TGS1: variants seen among roughly 807,000 people sequenced by gnomAD.
TGS1 encodes trimethylguanosine synthase 1.
Under a neutral mutation model 92.2 loss-of-function variants are expected in TGS1, and 69 were observed. The observed-to-expected ratio is 0.75, with a 90% CI of 0.62 to 0.91. The LOEUF is 0.91. Among genes scored for constraint, TGS1 ranks in the 40% least tolerant of loss-of-function variants. The pLI is 0.00. For synonymous variants in TGS1, 345 were observed against 338.1 expected, an observed-to-expected ratio of 1.02 and a Z score of -0.22; for missense variants, 1,062 against 1,001.2, an observed-to-expected ratio of 1.06 and a Z score of -0.82.
In TGS1 at chr8:55,789,993, A is replaced by G. The variant is rs191764443; in HGVS notation, c.1163-189A>G. On this transcript the variant is annotated intron_variant, in intron 4 of 12. Coordinates refer to ENST00000260129, the MANE Select transcript of TGS1 (RefSeq NM_024831.8). ...GGCTAAATTTAATTTAACAAACCTT[A>G]TAGTTAAGATTTTTAAAATGCTCAG... The G allele has an allele frequency of 1.3e-3, 661 of 523,022 alleles. 6 individuals carry two copies. Among genetic ancestry groups the G allele is most frequent in the African/African-American group, 9.6e-3 (497 of 51,936 alleles). The allele number at this position is 523,022 out of a possible 1,614,324, so 32.4% of individuals were successfully genotyped here. A position where few individuals can be genotyped will look rare whatever the true frequency, so the allele number is the denominator to read the frequency against.
chr8:55,776,337 G>A (rs1408683848), intron 1 of TGS1, among the ~76,000 whole-genome samples: 1 of 147,244 alleles, frequency 6.8e-6, no homozygotes, highest in Non-Finnish European at 1.5e-5. Context: ...CCAGAGTGCA[G>A]TGGCGAGATC....
intron 1 of TGS1, among the ~76,000 whole-genome samples, chr8:55,777,515 A>T (rs1487550188): frequency 6.6e-6 from 1 of 151,912 alleles, no homozygotes; most frequent in Non-Finnish European, 1.5e-5. Flanking sequence ...GAAGTTGAGC[A>T]AAATTTCTCT....
At position 55,798,980 on chromosome 8, in the gene TGS1, C is replaced by T. The variant is rs867132317; in HGVS notation, c.1609C>T (p.His537Tyr). 1.2e-6 allele frequency: 2 copies of T among 1,614,028 alleles called. No homozygotes were observed. The highest frequency in any genetic ancestry group is 1.3e-5 in the African/African-American group (1 of 75,032). Residue 537 changes from histidine (H) to tyrosine (Y), a missense_variant, in exon 8 of 13, where the codon CAT becomes TAT. His to Tyr is a moderately conservative substitution (Grantham distance 83). Transcript: ENST00000260129. The stretch of plus-strand genomic sequence containing the variant: ...AGAAGCATCACAGGAATCATCTTCT[C>T]ATGACAATGTGCACGACGCTTCCAC... ...DEEASQESSS[H>Y]DNVHDASTSS...
intron 1 of TGS1, among the ~76,000 whole-genome samples, chr8:55,776,071 A>T (rs538116726): frequency 2.6e-5 from 4 of 152,258 alleles, no homozygotes; most frequent in African/African-American, 9.6e-5. Flanking sequence ...GAAGGGGTTT[A>T]TTCGGCCAGG....
intron 12 of TGS1, among the ~76,000 whole-genome samples, chr8:55,813,334 C>T (rs1023669992): frequency 1.4e-4 from 22 of 152,316 alleles, no homozygotes; most frequent in African/African-American, 5.1e-4. Flanking sequence ...ACAAATAGAG[C>T]ACTCTAGGCT....
chr8:55,794,279 C>G (rs1811976817), intron 6 of TGS1, among the ~76,000 whole-genome samples: 2 of 151,964 alleles, frequency 1.3e-5, no homozygotes. Flanking sequence ...TGGTCTTAAA[C>G]TCTTGGCCTC....
chr8:55,803,467 CT>C (rs1812277980), intron 9 of TGS1, among the ~76,000 whole-genome samples: 1 of 152,118 alleles, frequency 6.6e-6, no homozygotes, highest in Middle Eastern at 3.4e-3. Context: ...TTCTCTGACC[CT>C]TTTAAAACAA....
At chr8:55,815,700 G>A (rs886263251) in intron 12 of TGS1, among the ~76,000 whole-genome samples, 3 of 152,102 alleles carry the variant, frequency 2.0e-5, no homozygotes, top group Non-Finnish European at 2.9e-5. Context: ...TTCCATGTAA[G>A]AGGTGATGCT....
At chr8:55,810,726 C>T (rs927354405) in intron 10 of TGS1, among the ~76,000 whole-genome samples, 155 bp from the exon 11 acceptor site, 1 of 152,222 alleles carries the variant, frequency 6.6e-6, no homozygotes, top group African/African-American at 2.4e-5. Flanking sequence ...AAAATTTAAA[C>T]TGAAGTCTGT....
chr8:55,796,776 A>G (rs1812066425), intron 7 of TGS1, among the ~76,000 whole-genome samples: 2 of 152,094 alleles, frequency 1.3e-5, no homozygotes, highest in Admixed American at 6.6e-5. Context: ...GGATCACCTG[A>G]GGTCAGGAGT....
intron 10 of TGS1, among the ~76,000 whole-genome samples, chr8:55,810,473 C>T (rs1803309495): frequency 1.3e-5 from 2 of 152,174 alleles, no homozygotes; most frequent in Non-Finnish European, 2.9e-5. Context: ...TTGGGCATTG[C>T]TACATTTTGA....
chr8:55,778,843 T>C (rs536747099), intron 1 of TGS1, among the ~76,000 whole-genome samples: 241 of 152,378 alleles, frequency 1.6e-3, no homozygotes, highest in South Asian at 7.0e-3. Context: ...AAGAATCTTA[T>C]ATTCAGCATT....
intron 12 of TGS1, among the ~76,000 whole-genome samples, chr8:55,818,295 C>T (rs1169179956): frequency 6.6e-6 from 1 of 152,112 alleles, no homozygotes; most frequent in East Asian, 1.9e-4. Context: ...CCTCGGTCTC[C>T]CGAGTACCTG....
Position 55,805,021 on chromosome 8 carries a change from T to G in TGS1, c.2128T>G (p.Leu710Val). 1 of 1,613,746 alleles carries G rather than the reference T, an allele frequency of 6.2e-7. No individual in the cohort carries two copies. Among genetic ancestry groups the G allele is most frequent in the South Asian group, 1.1e-5 (1 of 91,022 alleles). ...TGGAGGAAATACCATTCAGTTTGCC[T>G]TAACAGGAATGAGAGGTAATTAGCC... is the stretch of plus-strand genomic sequence containing the variant. Reference protein sequence around the residue: ...GVGGNTIQFALTGMRVIAIDI... With the variant: ...GVGGNTIQFAVTGMRVIAIDI... The change falls in exon 10 of 13, where the codon TTA becomes GTA. Residue 710 changes from leucine to valine, a missense_variant. Physicochemically the swap from Leu to Val is conservative, Grantham distance 32 (BLOSUM62 1). Coordinates refer to ENST00000260129, the MANE Select transcript of TGS1 (RefSeq NM_024831.8).
At chr8:55,777,649 C>T (rs574150294) in intron 1 of TGS1, among the ~76,000 whole-genome samples, 14 of 152,054 alleles carry the variant, frequency 9.2e-5, no homozygotes, top group Non-Finnish European at 1.5e-4. Context: ...AAGCAATTCT[C>T]GTGCCTCAGC....
At chr8:55,783,188 G>C (rs1383352159) in intron 2 of TGS1, among the ~76,000 whole-genome samples, 1 of 152,174 alleles carries the variant, frequency 6.6e-6, no homozygotes, top group Non-Finnish European at 1.5e-5. Context: ...GGAGGCCAAG[G>C]CAAGCAGATC....
At position 55,796,144 on chromosome 8, in the gene TGS1, C is replaced by G; in HGVS notation, c.1534C>G (p.Leu512Val). The change falls in exon 7 of 13, where the codon CTG (leucine) becomes GTG (valine). Residue 512 changes from leucine (L) to valine (V), a missense_variant. Coordinates refer to ENST00000260129, the MANE Select transcript of TGS1 (RefSeq NM_024831.8). ...ACCATTTTTCAAGAAAAGCAAAATT[C>G]TGAGTAAGGTATGTATAAATTTTGT... ...EKPFFKKSKI[L>V]SKVEKFLTWV... 2 of 1,606,692 alleles carry G rather than the reference C, an allele frequency of 1.2e-6. No individual in the cohort carries two copies. The highest frequency in any genetic ancestry group is 1.7e-6 in the Non-Finnish European group (2 of 1,175,282).
At chr8:55,797,359 A>C (rs1481548939) in intron 7 of TGS1, among the ~76,000 whole-genome samples, 3 of 152,146 alleles carry the variant, frequency 2.0e-5, no homozygotes, top group Non-Finnish European at 4.4e-5. Flanking sequence ...AACTATCTTT[A>C]CCTGATTCCT....
intron 6 of TGS1, among the ~76,000 whole-genome samples, chr8:55,793,757 TATTTATTTATTTATTTA>T (rs1811955293): frequency 6.7e-6 from 1 of 150,146 alleles, no homozygotes; most frequent in African/African-American, 2.4e-5. Context: ...TTTATTTATT[TATTTATTTATTTATTTA>T]TTTTTTAATT....
Sources: gnomAD v4.1 joint callset for allele counts (sites outside exome capture counted in the v4.1 genomes callset) on GRCh38, gnomAD v4.1.1 for gene constraint, MANE v1.5 for transcripts, NCBI Gene and HGNC (gene_info 2026-07-23, HGNC 2026-07-21) for gene names.